The following ANXA10 variants were observed in gnomAD, a reference collection of about 807,000 sequenced individuals.
ANXA10 encodes the protein annexin A10.
ANXA10 carries 49 observed loss-of-function variants against 53.5 expected under a neutral mutation model. The observed-to-expected ratio is 0.92, with a 90% CI of 0.73 to 1.16. The LOEUF (loss-of-function observed/expected upper bound fraction) is 1.16, where lower values mean the gene tolerates loss of function less well. Ranked by LOEUF, ANXA10 falls within the 50% of genes most tolerant of loss-of-function variation. The probability of loss-of-function intolerance (pLI) is 0.00; values close to 1 mark genes in which losing one functional copy is unlikely to be tolerated. For missense variants in ANXA10, 393 were observed against 394.4 expected (o/e 1.00, Z 0.03); for synonymous variants, 131 against 128.9 (o/e 1.02, Z -0.11).
intron 1 of ANXA10, among the ~76,000 whole-genome samples, chr4:168,120,984 C>T (rs557640615): frequency 6.6e-6 from 1 of 151,840 alleles, no homozygotes; most frequent in Admixed American, 6.6e-5. Flanking sequence ...TTCATTTGGC[C>T]GTCTGCTTAA....
chr4:168,145,068 A>AG, intron 3 of ANXA10, among the ~76,000 whole-genome samples: 1 of 152,298 alleles, frequency 6.6e-6, no homozygotes, highest in East Asian at 1.9e-4. Context: ...ATGAAATCAT[A>AG]GGGAGTCAAA....
chr4:168,186,449 G>C (rs924152197), intron 11 of ANXA10, among the ~76,000 whole-genome samples: 2 of 152,174 alleles, frequency 1.3e-5, no homozygotes, highest in African/African-American at 4.8e-5. Context: ...TCTTTGTGAG[G>C]TGATTAGGTC....
chr4:168,140,077 A>C (rs562370800), intron 3 of ANXA10, among the ~76,000 whole-genome samples: 31 of 152,240 alleles, frequency 2.0e-4, no homozygotes, highest in Admixed American at 2.6e-4. Flanking sequence ...GAGACCATTA[A>C]AAAAGAATGG....
At chr4:168,129,888 C>T (rs1176162946) in intron 2 of ANXA10, among the ~76,000 whole-genome samples, 2 of 152,120 alleles carry the variant, frequency 1.3e-5, no homozygotes, top group East Asian at 1.9e-4. Flanking sequence ...ATTCTTATAA[C>T]CATTTTTATT....
chr4:168,141,884 A>T lies in ANXA10; in HGVS notation c.195+2304A>T, dbSNP rs1731331996. ...CTTGCCTTTTCCCTGCCTAGTTTCC[A>T]CCCCAGGTTTGTGGGGCCCTCCCTT... On this transcript the variant is annotated intron_variant, in intron 3 of 11. Transcript: ENST00000359299. Among the ~76,000 whole-genome samples the T allele has an allele frequency of 2.0e-5, 3 of 151,120 alleles. No individual in the cohort carries two copies. In the South Asian group the frequency reaches 6.3e-4, roughly 32 times the overall value.
At chr4:168,110,650 T>G (rs1730793603) in intron 1 of ANXA10, among the ~76,000 whole-genome samples, 2 of 152,178 alleles carry the variant, frequency 1.3e-5, no homozygotes, top group African/African-American at 4.8e-5. Flanking sequence ...TTCTTTCATA[T>G]AGAAGTCTAG....
intron 2 of ANXA10, among the ~76,000 whole-genome samples, chr4:168,136,236 CT>C (rs1560968205): frequency 6.6e-6 from 1 of 152,162 alleles, no homozygotes; most frequent in African/African-American, 2.4e-5. Flanking sequence ...GATTCTGCCC[CT>C]GTCCCCCCAC....
intron 11 of ANXA10, among the ~76,000 whole-genome samples, chr4:168,185,734 A>G (rs540706144): frequency 2.8e-4 from 42 of 152,260 alleles, no homozygotes; most frequent in Non-Finnish European, 4.1e-4. Context: ...GGACATAAGA[A>G]TAGAACTGAA....
chr4:168,136,667 C>T (rs138307961), intron 2 of ANXA10, among the ~76,000 whole-genome samples: 16 of 152,336 alleles, frequency 1.1e-4, no homozygotes, highest in African/African-American at 3.4e-4. Context: ...TCAGTCCCCA[C>T]GGCTACTCTC....
intron 10 of ANXA10, among the ~76,000 whole-genome samples, chr4:168,184,048 T>C (rs1732313033): frequency 6.6e-6 from 1 of 152,212 alleles, no homozygotes; most frequent in Non-Finnish European, 1.5e-5. Flanking sequence ...AGAATTCTAA[T>C]TTTTTATAAT....
intron 6 of ANXA10, among the ~76,000 whole-genome samples, chr4:168,174,962 A>T (rs889521416): frequency 3.9e-5 from 6 of 152,252 alleles, no homozygotes; most frequent in Non-Finnish European, 8.8e-5. Context: ...AGATGTAAAT[A>T]AATAAATGGG....
intron 1 of ANXA10, among the ~76,000 whole-genome samples, chr4:168,115,956 A>AT (rs970480023): frequency 1.1e-4 from 17 of 152,260 alleles, no homozygotes; most frequent in East Asian, 3.9e-4. Context: ...TGGTACATGG[A>AT]TTTTTTTATA....
At chr4:168,166,462 A>G (rs1731879326) in intron 6 of ANXA10, among the ~76,000 whole-genome samples, 1 of 152,220 alleles carries the variant, frequency 6.6e-6, no homozygotes, top group Non-Finnish European at 1.5e-5. Context: ...CTCCTGTTTT[A>G]TACATATTCT....
In ANXA10 at chr4:168,181,682, G is replaced by T. The variant is rs772833214; in HGVS notation, c.725-1G>T. On this transcript the variant is annotated splice_acceptor_variant, in intron 9 of 11. Coordinates refer to ENST00000359299, the MANE Select transcript of ANXA10 (RefSeq NM_007193.5). LOFTEE classifies it high-confidence loss of function. ...CTTCTTCTCTCTCTGATTTCTCCTA[G>T]TTCTCTGTGTTCGAGACAAACCAGC... is the stretch of plus-strand genomic sequence containing the variant. 7 of 1,601,358 alleles carry T rather than the reference G, an allele frequency of 4.4e-6. No homozygotes were observed. The East Asian group carries it at 1.6e-4, about 36-fold the overall frequency.
At chr4:168,113,037 G>GA (rs975449566) in intron 1 of ANXA10, among the ~76,000 whole-genome samples, 2 of 151,340 alleles carry the variant, frequency 1.3e-5, no homozygotes, top group South Asian at 2.1e-4. Flanking sequence ...AAAAAAGAAA[G>GA]AAAAAAAAGA....
In ANXA10 at chr4:168,157,337, G is replaced by A. The variant is rs1013027584; in HGVS notation, c.196-5191G>A. ...GGCTGGAGTGCAGTGGCATGATCTC[G>A]GCTCACTGCAACCTCCGCCACCCAG... On this transcript the variant is annotated intron_variant, in intron 3 of 11. Coordinates refer to ENST00000359299, the MANE Select transcript of ANXA10 (RefSeq NM_007193.5). Among the ~76,000 whole-genome samples the A allele has an allele frequency of 3.3e-5, 5 of 151,218 alleles. 1 individual carries two copies. In the Middle Eastern group the frequency reaches 0.01, roughly 309 times the overall value.
At position 168,181,692 on chromosome 4, in the gene ANXA10, T is replaced by C; in HGVS notation, c.734T>C (p.Val245Ala). ...CTCTGATTTCTCCTAGTTCTCTGTG[T>C]TCGAGACAAACCAGCCTATTTTGCT... ...QELLVAIVLCVRDKPAYFAYR... is the reference protein window; with the variant it reads ...QELLVAIVLCARDKPAYFAYR... Residue 245 changes from valine to alanine, a missense_variant, in exon 10 of 12, where the codon GTT becomes GCT. Coordinates refer to ENST00000359299, the MANE Select transcript of ANXA10 (RefSeq NM_007193.5). 1 of 1,604,028 alleles carries C rather than the reference T, an allele frequency of 6.2e-7. No individual in the cohort carries two copies. Among genetic ancestry groups the C allele is most frequent in the Non-Finnish European group, 8.5e-7 (1 of 1,172,630 alleles).
chr4:168,122,101 A>G (rs1184401398), intron 1 of ANXA10, among the ~76,000 whole-genome samples: 2 of 151,988 alleles, frequency 1.3e-5, no homozygotes, highest in South Asian at 4.2e-4. Context: ...TCGCCTCCCA[A>G]AGTGCTGGGA....
intron 1 of ANXA10, among the ~76,000 whole-genome samples, chr4:168,110,412 A>G (rs577551088): frequency 7.6e-4 from 115 of 150,804 alleles, no homozygotes; most frequent in African/African-American, 2.7e-3. Context: ...ACCCATATTA[A>G]CGATGCTACA....
Sources: allele counts gnomAD v4.1 joint callset (sites outside exome capture counted in the v4.1 genomes callset), GRCh38; gene constraint gnomAD v4.1.1; transcripts MANE v1.5; gene names NCBI Gene and HGNC (gene_info 2026-07-23, HGNC 2026-07-21).